The following SLC9C1 variants were observed in gnomAD, a reference collection of about 807,000 sequenced individuals.
SLC9C1 encodes solute carrier family 9 member C1.
Under a neutral mutation model 140.9 loss-of-function variants are expected in SLC9C1, and 97 were observed. The ratio of observed to expected loss-of-function variants is 0.69; its 90% CI spans 0.58 to 0.82. SLC9C1 has a LOEUF of 0.82. Ranked by LOEUF, SLC9C1 falls within the 40% of genes least tolerant of loss-of-function variation. SLC9C1 has a pLI of 0.00. For synonymous variants in SLC9C1, 440 were observed against 442.6 expected, an observed-to-expected ratio of 0.99 and a Z score of 0.07; for missense variants, 1,340 against 1,389.3, an observed-to-expected ratio of 0.96 and a Z score of 0.56.
chr3:112,169,146 A>T, intron 24 of SLC9C1, 51 bp downstream of exon 24: 1 of 1,595,470 alleles, frequency 6.3e-7, no homozygotes, highest in Non-Finnish European at 8.5e-7. Flanking sequence ...TAATGTTTTA[A>T]TGCCATTCCA....
At chr3:112,164,620 T>C (rs977559290) in intron 26 of SLC9C1, among the ~76,000 whole-genome samples, 1 of 151,350 alleles carries the variant, frequency 6.6e-6, no homozygotes, top group African/African-American at 2.4e-5. Flanking sequence ...TTCTTGCTTG[T>C]AGAGTTTCTC....
intron 2 of SLC9C1, among the ~76,000 whole-genome samples, chr3:112,286,500 T>C (rs2080511792): frequency 6.6e-6 from 1 of 152,072 alleles, no homozygotes; most frequent in South Asian, 2.1e-4. Flanking sequence ...CCCAATAGGA[T>C]GAATGTTATG....
chr3:112,172,579 A>G (rs1235389058), intron 23 of SLC9C1, among the ~76,000 whole-genome samples: 1 of 152,072 alleles, frequency 6.6e-6, no homozygotes, highest in Non-Finnish European at 1.5e-5. Context: ...CAACTCCAAT[A>G]TAATACTGAA....
intron 23 of SLC9C1, among the ~76,000 whole-genome samples, chr3:112,170,550 CAT>C (rs1367166335): frequency 6.6e-6 from 1 of 152,048 alleles, no homozygotes; most frequent in African/African-American, 2.4e-5. Context: ...ATGATTTACA[CAT>C]ATTTTTTATA....
In SLC9C1 at chr3:112,168,530, G is replaced by A. The variant is rs2077184084; in HGVS notation, c.3237+347C>T. On this transcript the variant is annotated intron_variant, in intron 25 of 28. Coordinates refer to ENST00000305815, the MANE Select transcript of SLC9C1 (RefSeq NM_183061.3). Reference sequence around the variant, plus strand: ...GGCAGAACCTTTCTAGAGCATTGTTGATACAGTTTTTCTGCAACATGTGAG... The same window carrying A: ...GGCAGAACCTTTCTAGAGCATTGTTAATACAGTTTTTCTGCAACATGTGAG... Among the ~76,000 whole-genome samples, 4 of 152,164 alleles carry A rather than the reference G, an allele frequency of 2.6e-5. No homozygotes were observed. In the South Asian group the frequency reaches 8.3e-4, roughly 32 times the overall value.
intron 9 of SLC9C1, among the ~76,000 whole-genome samples, 190 bp downstream of exon 9, chr3:112,264,010 T>TA (rs752664343): frequency 7.3e-5 from 11 of 151,228 alleles, no homozygotes; most frequent in Admixed American, 2.0e-4. Flanking sequence ...AAAAAACTTA[T>TA]AGAGTTTGCA....
Position 112,278,724 on chromosome 3 carries a change from C to G in SLC9C1, c.318+5G>C. The G allele has an allele frequency of 6.3e-7, 1 of 1,591,198 alleles. No homozygotes were observed. Among genetic ancestry groups the G allele is most frequent in the Non-Finnish European group, 8.5e-7 (1 of 1,173,700 alleles). ...TGAATGATATTACCAAAAAAGAATGCTTACCTGCCAAAATAACTTTTGAAG... is the reference window on the plus strand; with the variant it reads ...TGAATGATATTACCAAAAAAGAATGGTTACCTGCCAAAATAACTTTTGAAG... On this transcript the variant is annotated splice_donor_5th_base_variant and intron_variant, in intron 4 of 28. Coordinates refer to ENST00000305815, the MANE Select transcript of SLC9C1 (RefSeq NM_183061.3).
chr3:112,236,340 T>A (rs981342976), intron 12 of SLC9C1, among the ~76,000 whole-genome samples: 1 of 152,164 alleles, frequency 6.6e-6, no homozygotes, highest in African/African-American at 2.4e-5. Flanking sequence ...TTTTATTGCA[T>A]CTATTTGGTT....
chr3:112,182,344 A>G (rs1012025672), intron 20 of SLC9C1, 86 bp from the exon 21 acceptor site: 98 of 1,312,146 alleles, frequency 7.5e-5, no homozygotes, highest in Non-Finnish European at 9.5e-5. Context: ...ACTATTTCCT[A>G]TTCTTGATCA....
chr3:112,288,678 T>C (rs1329639227), intron 1 of SLC9C1, among the ~76,000 whole-genome samples: 1 of 152,212 alleles, frequency 6.6e-6, no homozygotes, highest in Non-Finnish European at 1.5e-5. Flanking sequence ...GACATTGTTT[T>C]GAGCCCAGGC....
At chr3:112,248,870 T>C (rs757819121) in intron 10 of SLC9C1, among the ~76,000 whole-genome samples, 15 of 152,198 alleles carry the variant, frequency 9.9e-5, no homozygotes, top group African/African-American at 3.4e-4. Context: ...AAGTTTTCTA[T>C]GTATAAAATC....
intron 6 of SLC9C1, among the ~76,000 whole-genome samples, chr3:112,272,060 A>G (rs1417111153): frequency 2.6e-5 from 4 of 152,166 alleles, no homozygotes; most frequent in Non-Finnish European, 4.4e-5. Context: ...AGGGAGCCCA[A>G]GGCCATCAGA....
At position 112,185,428 on chromosome 3, in the gene SLC9C1, G is replaced by A. The variant is rs528361353; in HGVS notation, c.2524-3170C>T. 4.3e-6 allele frequency: 6 copies of A among 1,389,140 alleles called. No homozygotes were observed. The South Asian group carries it at 5.1e-5, about 12-fold the overall frequency. 86.1% of individuals were successfully genotyped at this position (1,389,140 alleles called of 1,614,324 possible). On this transcript the variant is annotated intron_variant, in intron 20 of 28. Coordinates refer to ENST00000305815, the MANE Select transcript of SLC9C1 (RefSeq NM_183061.3). ...GAAAGAGGCACTCAGGGGTGGGGGG[G>A]TCTCAGCCCAGCCCCTCTATGAAAC...
intron 20 of SLC9C1, 80 bp downstream of exon 20, chr3:112,199,241 A>G (rs2077840697): frequency 2.6e-6 from 3 of 1,170,482 alleles, no homozygotes; most frequent in Admixed American, 5.6e-5. Flanking sequence ...GGCCTGTATT[A>G]GAAGTCAAAT....
At chr3:112,175,845 G>T (rs13080696) in intron 23 of SLC9C1, among the ~76,000 whole-genome samples, 1 of 152,120 alleles carries the variant, frequency 6.6e-6, no homozygotes. Context: ...GTGGTGGCCC[G>T]CCCGACCTGC....
chr3:112,247,419 T>A (rs2079318508), intron 10 of SLC9C1, among the ~76,000 whole-genome samples: 1 of 152,214 alleles, frequency 6.6e-6, no homozygotes, highest in East Asian at 1.9e-4. Flanking sequence ...CCATAGTTAA[T>A]AACGTGCTCC....
intron 17 of SLC9C1, among the ~76,000 whole-genome samples, chr3:112,202,934 A>G (rs1449485253): frequency 6.6e-6 from 1 of 151,856 alleles, no homozygotes; most frequent in Non-Finnish European, 1.5e-5. Flanking sequence ...TGCAGAGTTC[A>G]TTGATCCCTT....
chr3:112,152,233 T>C (rs1211472252), intron 27 of SLC9C1, among the ~76,000 whole-genome samples: 2 of 152,076 alleles, frequency 1.3e-5, no homozygotes, highest in African/African-American at 2.4e-5. Flanking sequence ...GTGGCAGGAC[T>C]ATAGGGTAAT....
chr3:112,141,665 A>G (rs1458056447), intron 28 of SLC9C1, among the ~76,000 whole-genome samples: 2 of 152,188 alleles, frequency 1.3e-5, no homozygotes, highest in Non-Finnish European at 2.9e-5. Flanking sequence ...GCTGAACGTA[A>G]AGGGTGTTAA....
Sources: gnomAD v4.1 joint callset for allele counts (sites outside exome capture counted in the v4.1 genomes callset) on GRCh38, gnomAD v4.1.1 for gene constraint, MANE v1.5 for transcripts, NCBI Gene and HGNC (gene_info 2026-07-23, HGNC 2026-07-21) for gene names.